CDH19: variants seen among roughly 807,000 people sequenced by gnomAD.
CDH19 encodes the protein cadherin 19.
CDH19 carries 67 observed loss-of-function variants against 64.2 expected under a neutral mutation model. The observed-to-expected ratio is 1.04, with a 90% CI of 0.86 to 1.28. CDH19 has a LOEUF of 1.28. CDH19 is among the 50% of genes most tolerant of loss of function. The probability of loss-of-function intolerance (pLI) is 0.00; values close to 1 mark genes in which losing one functional copy is unlikely to be tolerated. For missense variants in CDH19, 1,030 were observed against 929.0 expected (o/e 1.11, Z -1.41); for synonymous variants, 346 against 319.3 (o/e 1.08, Z -0.89).
chr18:66,521,137 G>T (rs1435042399), intron 9 of CDH19, among the ~76,000 whole-genome samples: 1 of 152,012 alleles, frequency 6.6e-6, no homozygotes, highest in East Asian at 1.9e-4. Flanking sequence ...TACTAAAAAT[G>T]TTCACTTCCT....
rs772853114 is a variant in CDH19 at position 66,568,612 on chromosome 18, G to C, written c.294C>G (p.Asp98Glu). The C allele has an allele frequency of 6.2e-7, 1 of 1,611,912 alleles. No individual in the cohort carries two copies. The highest frequency in any genetic ancestry group is 8.5e-7 in the Non-Finnish European group (1 of 1,178,672). The change falls in exon 3 of 12, where the codon GAC becomes GAG. Residue 98 changes from aspartate (D) to glutamate (E), a missense_variant. Asp to Glu is a conservative substitution (Grantham distance 45, BLOSUM62 2). Transcript: ENST00000262150. ...TATCAAGCTTCTGTATGGCATATAT[G>C]TCACCTGTTCTTTCATCAATGATAA... ...STFIIDERTG[D>E]IYAIQKLDRE... is the part of the protein sequence containing the mutation.
chr18:66,531,663 G>A (rs1392387891), intron 8 of CDH19, among the ~76,000 whole-genome samples: 3 of 151,962 alleles, frequency 2.0e-5, no homozygotes, highest in Non-Finnish European at 4.4e-5. Context: ...CTCTAAAACT[G>A]GATGACTTGA....
chr18:66,532,064 T>A (rs1310192890), intron 8 of CDH19, among the ~76,000 whole-genome samples: 14 of 152,066 alleles, frequency 9.2e-5, no homozygotes, highest in African/African-American at 2.4e-4. Context: ...CCTCCTAGGC[T>A]CAAGCGATTC....
chr18:66,505,370 T>A, intron 11 of CDH19, 68 bp from the exon 12 acceptor site: 1 of 1,227,316 alleles, frequency 8.1e-7, no homozygotes, highest in Non-Finnish European at 1.1e-6. Context: ...CAGTCTTTGC[T>A]CTCATTTCAA....
chr18:66,544,682 C>A, intron 6 of CDH19, 37 bp downstream of exon 6: 1 of 1,399,292 alleles, frequency 7.1e-7, no homozygotes. Context: ...TTTAATTTTG[C>A]GCTATTCTGC....
At chr18:66,596,785 A>T (rs9959176) in intron 1 of CDH19, among the ~76,000 whole-genome samples, 22,064 of 151,668 alleles carry the variant, frequency 0.15, 1,723 homozygotes, top group East Asian at 0.25. Context: ...TCACAAAATT[A>T]AAAAAAATCA....
intron 5 of CDH19, among the ~76,000 whole-genome samples, chr18:66,549,756 G>T (rs993518188): frequency 7.2e-5 from 11 of 152,102 alleles, no homozygotes; most frequent in Non-Finnish European, 2.9e-5. Flanking sequence ...CTGAGTAGTT[G>T]TCTGTATCAT....
intron 9 of CDH19, among the ~76,000 whole-genome samples, chr18:66,515,587 A>C (rs1406643897): frequency 1.3e-5 from 2 of 151,852 alleles, no homozygotes. Flanking sequence ...GTTTTCTAAA[A>C]GGATTTTTCA....
intron 9 of CDH19, among the ~76,000 whole-genome samples, chr18:66,512,474 G>T (rs1598968108): frequency 6.6e-6 from 1 of 151,586 alleles, no homozygotes; most frequent in South Asian, 2.1e-4. Flanking sequence ...TACAATTAAA[G>T]TGCCTTTAAC....
At chr18:66,509,714 G>T (rs975102699) in intron 10 of CDH19, among the ~76,000 whole-genome samples, 1 of 151,618 alleles carries the variant, frequency 6.6e-6, no homozygotes. Flanking sequence ...ATATGACACG[G>T]TCTATTTTCT....
chr18:66,583,584 CAT>C (rs1448382780), intron 1 of CDH19, among the ~76,000 whole-genome samples: 1 of 152,000 alleles, frequency 6.6e-6, no homozygotes, highest in Non-Finnish European at 1.5e-5. Flanking sequence ...TAAGTGAAGA[CAT>C]GTGATATTTG....
At chr18:66,589,489 GA>G (rs1988680748) in intron 1 of CDH19, among the ~76,000 whole-genome samples, 1 of 151,792 alleles carries the variant, frequency 6.6e-6, no homozygotes, top group African/African-American at 2.4e-5. Flanking sequence ...AGTTTTTGCT[GA>G]TGTTGTGATA....
Position 66,551,093 on chromosome 18 carries a change from C to G in CDH19, c.775+1G>C. ...GAAGATGTAGAATCCTTTTTACTTACTTTCTTTAAATATAGGCTTATTGTC... is the reference window on the plus strand; with the variant it reads ...GAAGATGTAGAATCCTTTTTACTTAGTTTCTTTAAATATAGGCTTATTGTC... On this transcript the variant is annotated splice_donor_variant, in intron 5 of 11. Coordinates refer to ENST00000262150, the MANE Select transcript of CDH19 (RefSeq NM_021153.4). LOFTEE classifies it high-confidence loss of function. 6.6e-7 allele frequency: 1 copy of G among 1,518,876 alleles called. No homozygotes were observed. The highest frequency in any genetic ancestry group is 9.1e-7 in the Non-Finnish European group (1 of 1,101,448). The allele number at this position is 1,518,876 out of a possible 1,614,324, so 94.1% of individuals were successfully genotyped here. A position where few individuals can be genotyped will look rare whatever the true frequency, so the allele number is the denominator to read the frequency against.
rs1159367654 is a variant in CDH19 at position 66,551,134 on chromosome 18, TTTAA to T, written c.731_734del (p.Ile244AsnfsTer19). ...GCTTATTGTCATTAACATCTGAAAG[TTTAA>T]TTAATACACTTGTTGTTCCAGACAA... On this transcript the variant is annotated frameshift_variant, in exon 5 of 12. Coordinates refer to ENST00000262150, the MANE Select transcript of CDH19 (RefSeq NM_021153.4). LOFTEE classifies it high-confidence loss of function. The T allele has an allele frequency of 3.1e-6, 5 of 1,606,900 alleles. No homozygotes were observed. Among genetic ancestry groups the T allele is most frequent in the Non-Finnish European group, 4.3e-6 (5 of 1,174,316 alleles).
intron 1 of CDH19, among the ~76,000 whole-genome samples, chr18:66,582,478 A>G (rs911791431): frequency 8.5e-5 from 13 of 152,172 alleles, no homozygotes; most frequent in Admixed American, 5.9e-4. Flanking sequence ...GTTTGCATAC[A>G]TAAGTGAAAA....
chr18:66,535,541 A>G (rs1295564766), intron 7 of CDH19, among the ~76,000 whole-genome samples: 1 of 149,844 alleles, frequency 6.7e-6, no homozygotes, highest in Non-Finnish European at 1.5e-5. Flanking sequence ...TATATAGTAG[A>G]TAGAATTTTA....
In CDH19 at chr18:66,543,990, T is replaced by C. The variant is rs200491463; in HGVS notation, c.1195A>G (p.Asn399Asp). Residue 399 changes from asparagine to aspartate, a missense_variant, in exon 7 of 12, where the codon AAT becomes GAT. Coordinates refer to ENST00000262150, the MANE Select transcript of CDH19 (RefSeq NM_021153.4). ...ACATACCTGATAGGAGATTTCCTAT[T>C]GTCTGGGTCTGTGGCAGACACCACG... ...VGVVSATDPD[N>D]RKSPIRYSIT... is the part of the protein sequence containing the mutation. The C allele has an allele frequency of 7.4e-6, 12 of 1,612,570 alleles. 1 individual carries two copies. The highest frequency in any genetic ancestry group is 1.7e-4 in the Middle Eastern group (1 of 6,046).
At chr18:66,505,483 C>T (rs1316819297) in intron 11 of CDH19, among the ~76,000 whole-genome samples, 181 bp from the exon 12 acceptor site, 3 of 149,122 alleles carry the variant, frequency 2.0e-5, no homozygotes, top group Non-Finnish European at 3.0e-5. Flanking sequence ...GAATGTATCA[C>T]GATTTTTCTG....
intron 1 of CDH19, among the ~76,000 whole-genome samples, chr18:66,592,196 C>T (rs1038264986): frequency 6.6e-6 from 1 of 151,750 alleles, no homozygotes; most frequent in African/African-American, 2.4e-5. Context: ...CCTCCTATTA[C>T]CTCCAAGTTC....
Sources: allele counts gnomAD v4.1 joint callset (sites outside exome capture counted in the v4.1 genomes callset), GRCh38; gene constraint gnomAD v4.1.1; transcripts MANE v1.5; gene names NCBI Gene and HGNC (gene_info 2026-07-23, HGNC 2026-07-21).